Variants in LILRA6 observed in about 807,000 individuals in gnomAD.
LILRA6 encodes leukocyte immunoglobulin like receptor A6.
Under a neutral mutation model 53.9 loss-of-function variants are expected in LILRA6, and 16 were observed. The observed-to-expected ratio is 0.30, with a 90% CI of 0.20 to 0.45. The LOEUF (loss-of-function observed/expected upper bound fraction) is 0.45, where lower values mean the gene tolerates loss of function less well. Among genes scored for constraint, LILRA6 ranks in the 20% least tolerant of loss-of-function variants. The probability of loss-of-function intolerance (pLI) is 1.00; values close to 1 mark genes in which losing one functional copy is unlikely to be tolerated. For synonymous variants in LILRA6, 135 were observed against 256.4 expected, an observed-to-expected ratio of 0.53 and a Z score of 4.52; for missense variants, 306 against 618.6, an observed-to-expected ratio of 0.49 and a Z score of 5.36.
At position 54,242,156 on chromosome 19, in the gene LILRA6, C is replaced by T. The variant is rs748295379; in HGVS notation, c.225G>A (p.Leu75=). ...AGAATCTGGCCTTGTTCTTGGGTTCCAGTGGGTTATTTCTGTCCCAGGGCT... is the reference window on the plus strand; with the variant it reads ...AGAATCTGGCCTTGTTCTTGGGTTCTAGTGGGTTATTTCTGTCCCAGGGCT... Residue 75 remains leucine, a synonymous_variant, in exon 3 of 8, where the codon CTG becomes CTA. Coordinates refer to ENST00000396365, the Ensembl canonical transcript of LILRA6. The T allele has an allele frequency of 2.5e-5, 35 of 1,410,218 alleles. 11 individuals carry two copies. The highest frequency in any genetic ancestry group is 2.1e-4 in the Middle Eastern group (1 of 4,794). The allele number at this position is 1,410,218 out of a possible 1,614,324, so 87.4% of individuals were successfully genotyped here. A position where few individuals can be genotyped will look rare whatever the true frequency, so the allele number is the denominator to read the frequency against.
downstream of LILRA6, chr19:54,238,454 A>C (rs7257035): frequency 3.0e-3 from 470 of 155,390 alleles, 48 homozygotes; most frequent in African/African-American, 0.011. Flanking sequence ...CTGACATTTG[A>C]TATTGTCATT....
chr19:54,241,854 G>A (rs748859431), exon 4 of LILRA6: 1 of 1,296,400 alleles, frequency 7.7e-7, no homozygotes, highest in Non-Finnish European at 1.1e-6. Flanking sequence ...GGGCAGGGCT[G>A]AGAGGGTGGG....
At chr19:54,239,148 C>G (rs551439768) in intron 7 of LILRA6, 59 bp from the exon 8 acceptor site, 2 of 1,603,754 alleles carry the variant, frequency 1.2e-6, no homozygotes, top group Non-Finnish European at 1.7e-6. Context: ...CACCCAGGAC[C>G]CCTGGATGCC....
chr19:54,240,987 G>T (rs781412842), exon 5 of LILRA6: 2 of 1,613,766 alleles, frequency 1.2e-6, no homozygotes, highest in African/African-American at 1.3e-5. Context: ...TGGCCAGGGC[G>T]CTGGAGGAAG....
chr19:54,238,639 T>C (rs1238681062), exon 8 of LILRA6: 1 of 336,366 alleles, frequency 3.0e-6, no homozygotes, highest in Non-Finnish European at 5.3e-6. Context: ...CAGATGATAT[T>C]GTCATGAATT....
At chr19:54,240,188 C>G in intron 6 of LILRA6, 86 bp downstream of exon 6, 1 of 1,556,378 alleles carries the variant, frequency 6.4e-7, no homozygotes, top group Non-Finnish European at 8.7e-7. Context: ...CAGCCTCCCT[C>G]GGTCCATCCC....
At chr19:54,238,682 G>A (rs1210357909) in exon 8 of LILRA6, 2 of 453,644 alleles carry the variant, frequency 4.4e-6, no homozygotes, top group African/African-American at 2.1e-5. Flanking sequence ...GCCTCCAAGA[G>A]GCAAGGATCT....
At chr19:54,237,570 G>C (rs1013594659), downstream of LILRA6, 2 of 151,134 alleles carry the variant, frequency 1.3e-5, no homozygotes, top group African/African-American at 5.0e-5. Flanking sequence ...TCCAGTGCCC[G>C]CGTCCAGTGG....
chr19:54,240,238 C>A (rs761180316), intron 6 of LILRA6, 36 bp downstream of exon 6: 1 of 1,598,634 alleles, frequency 6.3e-7, no homozygotes, highest in Non-Finnish European at 8.5e-7. Context: ...TGAGCTGAGC[C>A]TTTGAGCTCA....
intron 7 of LILRA6, chr19:54,239,377 C>T: frequency 1.3e-6 from 1 of 794,630 alleles, no homozygotes; most frequent in South Asian, 2.1e-5. Flanking sequence ...ATAAACCCTC[C>T]CTCTCCTGCA....
downstream of LILRA6, chr19:54,236,651 C>A (rs1036521762): frequency 6.6e-6 from 1 of 151,000 alleles, no homozygotes; most frequent in African/African-American, 2.5e-5. Flanking sequence ...TGGAATCAAC[C>A]TATGTCCATC....
chr19:54,238,863 G>A, exon 8 of LILRA6: 22 of 1,554,812 alleles, frequency 1.4e-5, no homozygotes, highest in Non-Finnish European at 1.8e-5. Context: ...CCCTCTGGAG[G>A]TCCTAGATTG....
In LILRA6 at chr19:54,240,619, C is replaced by T; in HGVS notation, c.956-43G>A. 3 of 1,565,138 alleles carry T rather than the reference C, an allele frequency of 1.9e-6. No individual in the cohort carries two copies. The South Asian group carries it at 3.8e-5, about 20-fold the overall frequency. Reference sequence around the variant, plus strand: ...GGGTGAGGGGCTGCCCCACCTTGCTCTGAGCTGACACCTCCCCAGGCCTCT... The same window carrying T: ...GGGTGAGGGGCTGCCCCACCTTGCTTTGAGCTGACACCTCCCCAGGCCTCT... On this transcript the variant is annotated intron_variant, in intron 5 of 7. Transcript: ENST00000396365.
rs577821517 is a variant in LILRA6 at position 54,238,748 on chromosome 19, G to T, written c.*205C>A. ...ACTCACCCATGAGCTCTTTTCCGTG[G>T]GTCTCAACTGGGCATTCACAACATA... is the stretch of plus-strand genomic sequence containing the variant. On this transcript the variant is annotated 3_prime_UTR_variant, in exon 8 of 8. Transcript: ENST00000396365. The T allele has an allele frequency of 2.3e-6, 2 of 865,512 alleles. 1 individual carries two copies. The highest frequency in any genetic ancestry group is 3.6e-5 in the African/African-American group (2 of 56,230). 53.6% of individuals were successfully genotyped at this position (865,512 alleles called of 1,614,324 possible).
intron 7 of LILRA6, chr19:54,239,488 G>T (rs1047640851): frequency 7.8e-6 from 5 of 642,880 alleles, no homozygotes; most frequent in African/African-American, 1.9e-5. Flanking sequence ...CCATGGGCTG[G>T]ATTCTCCACC....
rs781027419 is a variant in LILRA6, at chr19:54,242,130, G to C, written c.251C>G (p.Ser84Cys). 4 of 1,393,442 alleles carry C rather than the reference G, an allele frequency of 2.9e-6. No individual in the cohort carries two copies. In the South Asian group the frequency reaches 5.5e-5, roughly 19 times the overall value. 86.3% of individuals were successfully genotyped at this position (1,393,442 alleles called of 1,614,324 possible). Residue 84 changes from serine (S) to cysteine (C), a missense_variant, in exon 3 of 8, where the codon TCC becomes TGC. Transcript: ENST00000396365. ...ATGGTGCTCTGTTATGGATGGGATG[G>C]AGAATCTGGCCTTGTTCTTGGGTTC...
chr19:54,239,283 G>A (rs771531253), intron 7 of LILRA6, 194 bp from the exon 8 acceptor site: 1 of 1,482,504 alleles, frequency 6.7e-7, no homozygotes. Flanking sequence ...AAACAGAAGG[G>A]GAGAGCCCTG....
chr19:54,238,595 T>C (rs998303909), exon 8 of LILRA6: 20 of 267,204 alleles, frequency 7.5e-5, no homozygotes, highest in Non-Finnish European at 3.5e-5. Context: ...CACATGAGGG[T>C]GGGAGACTGC....
chr19:54,240,763 C>A lies in LILRA6; in HGVS notation c.955+68G>T. ...CCCCACCCCTCATCCCGGCCATCAC[C>A]ACCTGGGCTCCCCCGGCAGGGCCTG... On this transcript the variant is annotated intron_variant, in intron 5 of 7. Coordinates refer to ENST00000396365, the Ensembl canonical transcript of LILRA6. 2.1e-5 allele frequency: 33 copies of A among 1,602,910 alleles called. No individual in the cohort carries two copies. The South Asian group carries it at 3.7e-4, about 18-fold the overall frequency.
Sources: allele counts gnomAD v4.1 joint callset, GRCh38; gene constraint gnomAD v4.1.1; transcripts MANE v1.5; gene names NCBI Gene and HGNC (gene_info 2026-07-23, HGNC 2026-07-21).